The following THSD7B variants were observed in gnomAD, a reference collection of about 807,000 sequenced individuals.
THSD7B encodes thrombospondin type-1 domain-containing protein 7B.
THSD7B carries 138 observed loss-of-function variants against 213.6 expected under a neutral mutation model. That is an observed-to-expected ratio of 0.65 (90% CI 0.56 to 0.74). The LOEUF (loss-of-function observed/expected upper bound fraction) is 0.74, where lower values mean the gene tolerates loss of function less well. Among genes scored for constraint, THSD7B ranks in the 30% least tolerant of loss-of-function variants. THSD7B has a pLI of 0.00. For synonymous variants in THSD7B, 742 were observed against 687.0 expected, an observed-to-expected ratio of 1.08 and a Z score of -1.25; for missense variants, 1,931 against 1,991.5, an observed-to-expected ratio of 0.97 and a Z score of 0.58.
chr2:136,799,139 A>G (rs2558104), intron 1 of THSD7B, among the ~76,000 whole-genome samples: 21,649 of 151,974 alleles, frequency 0.14, 1,802 homozygotes, highest in African/African-American at 0.22. Context: ...GCTATGTAAC[A>G]CTTCTTTGTT....
intron 1 of THSD7B, among the ~76,000 whole-genome samples, chr2:136,783,699 G>A (rs1469350704): frequency 6.6e-6 from 1 of 152,214 alleles, no homozygotes; most frequent in South Asian, 2.1e-4. Context: ...ATAATCAGAA[G>A]TTAGTTGGAA....
chr2:137,645,015 G>T (rs1250101906), intron 21 of THSD7B, among the ~76,000 whole-genome samples: 6 of 152,118 alleles, frequency 3.9e-5, no homozygotes, highest in Non-Finnish European at 7.3e-5. Context: ...ATCTGCTTGA[G>T]GAGCTCAGAT....
Position 136,932,407 on chromosome 2 carries a change from T to G in THSD7B, c.139+50090T>G, listed in dbSNP as rs933754535. 4.6e-5 allele frequency among the ~76,000 whole-genome samples: 7 copies of G among 152,226 alleles called. No homozygotes were observed. The South Asian group carries it at 1.5e-3, about 32-fold the overall frequency. ...AAATACAGTTCACCCTTGAACACTG[T>G]GGGGGTTTGGGGCACTGGCCCCTGC... On this transcript the variant is annotated intron_variant, in intron 2 of 27. Coordinates refer to ENST00000409968, the MANE Select transcript of THSD7B (RefSeq NM_001316349.2).
At chr2:137,546,480 T>TATATATATATA in intron 15 of THSD7B, among the ~76,000 whole-genome samples, 1 of 68,600 alleles carries the variant, frequency 1.5e-5, no homozygotes, top group Admixed American at 2.5e-4. Context: ...ATATATATAA[T>TATATATATATA]ATATATATAT....
intron 15 of THSD7B, among the ~76,000 whole-genome samples, chr2:137,507,465 G>C (rs1679861982): frequency 6.6e-6 from 1 of 152,208 alleles, no homozygotes; most frequent in Non-Finnish European, 1.5e-5. Flanking sequence ...ATTCAGAGCT[G>C]TCCTGTGAGC....
At chr2:136,935,045 G>A (rs898151010) in intron 2 of THSD7B, among the ~76,000 whole-genome samples, 3 of 152,098 alleles carry the variant, frequency 2.0e-5, no homozygotes, top group Non-Finnish European at 2.9e-5. Context: ...TAAAACTGTG[G>A]TATTTATGAG....
At chr2:137,546,286 G>A (rs1573698002) in intron 15 of THSD7B, among the ~76,000 whole-genome samples, 2 of 129,570 alleles carry the variant, frequency 1.5e-5, no homozygotes, top group South Asian at 4.7e-4. Context: ...TTTGGTATGG[G>A]CATGCTTTCC....
intron 2 of THSD7B, among the ~76,000 whole-genome samples, chr2:137,014,512 A>G (rs1686299488): frequency 6.6e-6 from 1 of 152,170 alleles, no homozygotes. Flanking sequence ...ACTCAGAGCC[A>G]TGTCTGTTTT....
intron 18 of THSD7B, 33 bp downstream of exon 18, chr2:137,616,349 C>T: frequency 1.9e-6 from 3 of 1,593,586 alleles, no homozygotes; most frequent in Non-Finnish European, 2.6e-6. Flanking sequence ...TGTCGTTCTC[C>T]CTGAACATTG....
At chr2:137,412,758 G>C (rs1686694920) in intron 14 of THSD7B, among the ~76,000 whole-genome samples, 1 of 151,822 alleles carries the variant, frequency 6.6e-6, no homozygotes, top group African/African-American at 2.4e-5. Context: ...ACCTTAATTG[G>C]GAGAATTTGA....
intron 21 of THSD7B, among the ~76,000 whole-genome samples, chr2:137,649,411 T>C (rs767474698): frequency 6.6e-6 from 1 of 152,178 alleles, no homozygotes; most frequent in Admixed American, 6.5e-5. Flanking sequence ...AAAATTTCGG[T>C]TCTTAGGTTT....
At chr2:137,272,459 T>A (rs1486950184) in intron 10 of THSD7B, 74 bp from the exon 11 acceptor site, 1 of 1,439,998 alleles carries the variant, frequency 6.9e-7, no homozygotes, top group Non-Finnish European at 9.2e-7. Flanking sequence ...CTCTTTTTTT[T>A]CAATTGCTAC....
At chr2:137,636,967 C>T (rs548662349) in intron 20 of THSD7B, among the ~76,000 whole-genome samples, 8 of 152,172 alleles carry the variant, frequency 5.3e-5, no homozygotes, top group African/African-American at 1.4e-4. Flanking sequence ...GGATTACAGG[C>T]GTGAGCCACT....
chr2:137,502,717 C>T (rs887331779), intron 15 of THSD7B, among the ~76,000 whole-genome samples: 1 of 152,082 alleles, frequency 6.6e-6, no homozygotes, highest in Admixed American at 6.5e-5. Flanking sequence ...TTGATTAATC[C>T]AGTGCTAAAT....
rs190716352 is a variant in THSD7B at position 136,960,051 on chromosome 2, C to T, written c.139+77734C>T. 7.7e-4 allele frequency among the ~76,000 whole-genome samples: 117 copies of T among 152,256 alleles called. 1 individual carries two copies. The highest frequency in any genetic ancestry group is 1.5e-3 in the Non-Finnish European group (99 of 68,006). ...AGTCATTTTTCAGCAAGCAAATGAACCATTTGTGTATTCATTCAGGAACTT... is the reference window on the plus strand; with the variant it reads ...AGTCATTTTTCAGCAAGCAAATGAATCATTTGTGTATTCATTCAGGAACTT... On this transcript the variant is annotated intron_variant, in intron 2 of 27. Transcript: ENST00000409968.
chr2:137,481,337 C>T (rs944647643), intron 15 of THSD7B, among the ~76,000 whole-genome samples: 2 of 152,042 alleles, frequency 1.3e-5, no homozygotes, highest in Admixed American at 1.3e-4. Flanking sequence ...ACAGAAATAT[C>T]GGGTTTTGAT....
chr2:137,523,032 G>A (rs759070283), intron 15 of THSD7B, among the ~76,000 whole-genome samples: 39 of 152,252 alleles, frequency 2.6e-4, no homozygotes, highest in African/African-American at 3.9e-4. Flanking sequence ...TGTTATTGAC[G>A]TTGTAAAGGC....
chr2:137,347,012 A>G (rs1216912958), intron 12 of THSD7B, among the ~76,000 whole-genome samples: 1 of 151,632 alleles, frequency 6.6e-6, no homozygotes, highest in Non-Finnish European at 1.5e-5. Context: ...ACTATTTTCC[A>G]TAGCTGCTGC....
chr2:136,793,438 T>G (rs1458305954), intron 1 of THSD7B, among the ~76,000 whole-genome samples: 2 of 152,052 alleles, frequency 1.3e-5, no homozygotes, highest in African/African-American at 4.8e-5. Context: ...TGGAAGTCCT[T>G]TATCATATAC....
Sources: gnomAD v4.1 joint callset for allele counts (sites outside exome capture counted in the v4.1 genomes callset) on GRCh38, gnomAD v4.1.1 for gene constraint, MANE v1.5 for transcripts, NCBI Gene and HGNC (gene_info 2026-07-23, HGNC 2026-07-21) for gene names.